Variants in MTUS2 observed in about 807,000 individuals in gnomAD.
MTUS2 encodes microtubule associated scaffold protein 2.
In MTUS2, 40 loss-of-function variants were observed where a neutral mutation model predicts 114.1. The ratio of observed to expected loss-of-function variants is 0.35; its 90% CI spans 0.27 to 0.46. The LOEUF (loss-of-function observed/expected upper bound fraction) is 0.46, where lower values mean the gene tolerates loss of function less well. Among genes scored for constraint, MTUS2 ranks in the 20% least tolerant of loss-of-function variants. MTUS2 has a pLI of 1.00. For missense variants in MTUS2, 1,679 were observed against 1,705.4 expected (o/e 0.98, Z 0.27); for synonymous variants, 688 against 672.0 (o/e 1.02, Z -0.37).
intron 5 of MTUS2, among the ~76,000 whole-genome samples, chr13:29,273,072 C>G (rs938027018): frequency 2.0e-5 from 3 of 152,214 alleles, no homozygotes; most frequent in Non-Finnish European, 4.4e-5. Flanking sequence ...CCTCATAGCC[C>G]AATCACCTTT....
chr13:29,092,760 C>T (rs970407417), intron 4 of MTUS2, among the ~76,000 whole-genome samples: 1 of 129,070 alleles, frequency 7.7e-6, no homozygotes, highest in Admixed American at 8.0e-5. Flanking sequence ...CTCTGGCTGG[C>T]AAAGTGACAG....
chr13:29,102,943 T>TTG (rs1890483239), intron 5 of MTUS2, among the ~76,000 whole-genome samples: 1 of 152,206 alleles, frequency 6.6e-6, no homozygotes, highest in Admixed American at 6.5e-5. Context: ...CCAAGCTTGT[T>TTG]CATTCTCTGT....
At chr13:29,311,471 T>A (rs974402604) in intron 6 of MTUS2, among the ~76,000 whole-genome samples, 2 of 152,214 alleles carry the variant, frequency 1.3e-5, no homozygotes, top group Admixed American at 1.3e-4. Context: ...TGAATATGTA[T>A]AATTTGGTTT....
At chr13:29,098,552 C>T (rs9578073) in intron 4 of MTUS2, among the ~76,000 whole-genome samples, 102,094 of 151,886 alleles carry the variant, frequency 0.67, 35,024 homozygotes, top group Non-Finnish European at 0.74. Flanking sequence ...GAAAGGGAAA[C>T]CTAGAAAACA....
At chr13:28,977,186 T>G (rs140203747) in intron 2 of MTUS2, among the ~76,000 whole-genome samples, 59 of 152,280 alleles carry the variant, frequency 3.9e-4, no homozygotes, top group African/African-American at 1.3e-3. Flanking sequence ...GAGTCAGTTG[T>G]AGATACATTT....
intron 5 of MTUS2, among the ~76,000 whole-genome samples, chr13:29,176,536 T>C (rs1450460758): frequency 6.6e-6 from 1 of 152,136 alleles, no homozygotes; most frequent in Admixed American, 6.5e-5. Context: ...GAAATTTATT[T>C]CTCACAGTTC....
chr13:28,978,954 A>G (rs1884238148), intron 2 of MTUS2, among the ~76,000 whole-genome samples: 1 of 152,182 alleles, frequency 6.6e-6, no homozygotes, highest in South Asian at 2.1e-4. Flanking sequence ...CCTTCCCAAA[A>G]TGACTGTCTC....
chr13:29,093,196 G>A lies in MTUS2; in HGVS notation c.2447-7577G>A, dbSNP rs192741967. ...GCTGTAGCTCATGCCTGTAATTCCA[G>A]CACTTTGGGAGACTAAGACGGGCAG... is the stretch of plus-strand genomic sequence containing the variant. On this transcript the variant is annotated intron_variant, in intron 4 of 15. Coordinates refer to ENST00000612955, the MANE Select transcript of MTUS2 (RefSeq NM_001033602.4). 7.9e-5 allele frequency among the ~76,000 whole-genome samples: 12 copies of A among 152,288 alleles called. No homozygotes were observed. The East Asian group carries it at 2.3e-3, about 29-fold the overall frequency.
intron 2 of MTUS2, among the ~76,000 whole-genome samples, chr13:28,847,640 T>C (rs1407035137): frequency 2.0e-5 from 3 of 152,200 alleles, no homozygotes; most frequent in South Asian, 2.1e-4. Context: ...CTGTGTGGCC[T>C]AGTTCTTCCA....
chr13:29,070,146 T>C (rs1013739577), intron 4 of MTUS2, among the ~76,000 whole-genome samples: 1 of 152,204 alleles, frequency 6.6e-6, no homozygotes, highest in Non-Finnish European at 1.5e-5. Flanking sequence ...TGCTGGGCTT[T>C]CTATCTCGGG....
At chr13:29,000,194 A>C (rs949417616) in intron 2 of MTUS2, among the ~76,000 whole-genome samples, 1 of 152,220 alleles carries the variant, frequency 6.6e-6, no homozygotes, top group African/African-American at 2.4e-5. Flanking sequence ...AGAAATCTCC[A>C]TACTGGTTTC....
chr13:28,904,125 A>T (rs1389361408), intron 2 of MTUS2, among the ~76,000 whole-genome samples: 3 of 151,862 alleles, frequency 2.0e-5, no homozygotes. Context: ...TTTTCTTGTA[A>T]ATTTATTGGA....
At chr13:29,401,213 T>TGGCCTCAGGTGTTCCACC (rs1160296056) in intron 8 of MTUS2, among the ~76,000 whole-genome samples, 1 of 152,220 alleles carries the variant, frequency 6.6e-6, no homozygotes, top group East Asian at 1.9e-4. Context: ...CTCAAACTCC[T>TGGCCTCAGGTGTTCCACC]GGCCTCAGGT....
intron 1 of MTUS2, among the ~76,000 whole-genome samples, chr13:28,824,834 A>G (rs1303964018): frequency 6.6e-6 from 1 of 152,228 alleles, no homozygotes; most frequent in Non-Finnish European, 1.5e-5. Context: ...AGTACTTAAT[A>G]TATCAGGTAT....
At chr13:29,255,733 A>G in intron 5 of MTUS2, among the ~76,000 whole-genome samples, 1 of 152,020 alleles carries the variant, frequency 6.6e-6, no homozygotes, top group Non-Finnish European at 1.5e-5. Context: ...GGTGACTGAA[A>G]GGTCATGGGA....
intron 15 of MTUS2, among the ~76,000 whole-genome samples, chr13:29,502,358 T>G (rs925419415): frequency 6.6e-6 from 1 of 152,270 alleles, no homozygotes; most frequent in Non-Finnish European, 1.5e-5. Context: ...CCAGCCTTTA[T>G]CGGCAAACAT....
At chr13:29,058,669 C>T (rs1237405121) in intron 4 of MTUS2, among the ~76,000 whole-genome samples, 2 of 149,200 alleles carry the variant, frequency 1.3e-5, no homozygotes, top group South Asian at 2.1e-4. Context: ...CCCAGTAACT[C>T]GTCATTTAAC....
intron 4 of MTUS2, among the ~76,000 whole-genome samples, chr13:29,066,347 A>G (rs1208652315): frequency 6.6e-6 from 1 of 152,254 alleles, no homozygotes; most frequent in Non-Finnish European, 1.5e-5. Flanking sequence ...AAAGGGATTT[A>G]AAACATCAAG....
intron 5 of MTUS2, among the ~76,000 whole-genome samples, chr13:29,140,831 G>T (rs1892188808): frequency 6.6e-6 from 1 of 152,168 alleles, no homozygotes; most frequent in South Asian, 2.1e-4. Context: ...AAATGACTGT[G>T]TGTCTGCAGG....
Sources: gnomAD v4.1 joint callset for allele counts (sites outside exome capture counted in the v4.1 genomes callset) on GRCh38, gnomAD v4.1.1 for gene constraint, MANE v1.5 for transcripts, NCBI Gene and HGNC (gene_info 2026-07-23, HGNC 2026-07-21) for gene names.